Variants in TMEM132D observed in about 807,000 individuals in gnomAD.
TMEM132D encodes transmembrane protein 132D.
A neutral mutation model predicts 62.3 loss-of-function variants in TMEM132D; 21 were observed. That is an observed-to-expected ratio of 0.34 (90% CI 0.24 to 0.49). The LOEUF (loss-of-function observed/expected upper bound fraction) is 0.49, where lower values mean the gene tolerates loss of function less well. Among genes scored for constraint, TMEM132D ranks in the 20% least tolerant of loss-of-function variants. The pLI is 0.99. For synonymous variants in TMEM132D, 621 were observed against 575.6 expected, an observed-to-expected ratio of 1.08 and a Z score of -1.13; for missense variants, 1,346 against 1,402.8, an observed-to-expected ratio of 0.96 and a Z score of 0.65.
chr12:129,449,328 T>C (rs764344206), intron 3 of TMEM132D, among the ~76,000 whole-genome samples: 57 of 152,246 alleles, frequency 3.7e-4, no homozygotes, highest in Non-Finnish European at 6.5e-4. Context: ...GAGCCATGCT[T>C]AGTCCTGCCT....
chr12:129,328,900 C>T (rs1449847624), intron 4 of TMEM132D, among the ~76,000 whole-genome samples: 2 of 151,604 alleles, frequency 1.3e-5, no homozygotes, highest in Non-Finnish European at 2.9e-5. Flanking sequence ...GTGGCCTCAT[C>T]CATCTGTGAA....
At position 129,271,960 on chromosome 12, in the gene TMEM132D, G is replaced by A. The variant is rs553386677; in HGVS notation, c.1300-62297C>T. On this transcript the variant is annotated intron_variant, in intron 4 of 8. Coordinates refer to ENST00000422113, the MANE Select transcript of TMEM132D (RefSeq NM_133448.3). ...ATTGCTGGGTTAAACAGTATTTCTG[G>A]TTCTAGATCTTTGAGGAATTGCCAC... is the stretch of plus-strand genomic sequence containing the variant. Among the ~76,000 whole-genome samples the A allele has an allele frequency of 2.1e-3, 312 of 151,860 alleles. 13 individuals are homozygous for A. The highest frequency in any genetic ancestry group is 7.2e-3 in the African/African-American group (297 of 41,208).
intron 4 of TMEM132D, 113 bp from the exon 5 acceptor site, chr12:129,209,776 G>T: frequency 6.9e-7 from 1 of 1,448,962 alleles, no homozygotes; most frequent in Non-Finnish European, 9.4e-7. Flanking sequence ...GGCCTCTTCT[G>T]CAGGCTCAGA....
intron 2 of TMEM132D, among the ~76,000 whole-genome samples, chr12:129,543,042 C>T (rs7970992): frequency 0.88 from 132,722 of 151,254 alleles, 58,333 homozygotes; most frequent in East Asian, 0.99. Context: ...GACGCATTCC[C>T]CAGAGTGTAC....
At chr12:129,309,067 A>G (rs1881910056) in intron 4 of TMEM132D, among the ~76,000 whole-genome samples, 2 of 152,234 alleles carry the variant, frequency 1.3e-5, no homozygotes, top group Admixed American at 6.5e-5. Context: ...ACTCATGTAA[A>G]GAGAACTCTA....
chr12:129,093,863 C>G (rs1371226865), intron 5 of TMEM132D, among the ~76,000 whole-genome samples: 1 of 72,018 alleles, frequency 1.4e-5, no homozygotes, highest in Non-Finnish European at 2.4e-5. Flanking sequence ...AGAACAGAGC[C>G]CTCAGAAATG....
At chr12:129,643,694 C>T (rs992095845) in intron 2 of TMEM132D, among the ~76,000 whole-genome samples, 6 of 152,150 alleles carry the variant, frequency 3.9e-5, no homozygotes, top group African/African-American at 9.7e-5. Flanking sequence ...GAGATAAATG[C>T]ATATTCAATT....
intron 1 of TMEM132D, among the ~76,000 whole-genome samples, chr12:129,721,722 T>G (rs1868838205): frequency 6.6e-6 from 1 of 152,164 alleles, no homozygotes. Flanking sequence ...ATGTGGATCC[T>G]GCATGTACGG....
At chr12:129,815,061 G>A (rs551239386) in intron 1 of TMEM132D, among the ~76,000 whole-genome samples, 115 of 152,262 alleles carry the variant, frequency 7.6e-4, no homozygotes, top group Non-Finnish European at 1.4e-3. Context: ...TGAGATTGGA[G>A]CCTTTTCCTG....
chr12:129,705,333 T>C (rs957273964), intron 1 of TMEM132D, among the ~76,000 whole-genome samples: 6 of 152,186 alleles, frequency 3.9e-5, no homozygotes, highest in Non-Finnish European at 7.4e-5. Context: ...CACCACCTTT[T>C]AGGTATTTCT....
intron 1 of TMEM132D, among the ~76,000 whole-genome samples, chr12:129,814,163 G>A (rs11060567): frequency 0.099 from 15,064 of 152,038 alleles, 785 homozygotes; most frequent in Admixed American, 0.13. Flanking sequence ...TGGATGTCAC[G>A]GAGCTAGAGA....
chr12:129,209,926 A>G (rs1467601023), intron 4 of TMEM132D: 1 of 470,260 alleles, frequency 2.1e-6, no homozygotes, highest in Non-Finnish European at 3.8e-6. Context: ...TATTACTAAT[A>G]TTGTGTTTGG....
intron 5 of TMEM132D, among the ~76,000 whole-genome samples, chr12:129,115,344 G>C (rs1489044326): frequency 6.6e-6 from 1 of 152,168 alleles, no homozygotes; most frequent in East Asian, 1.9e-4. Flanking sequence ...TTAGTTCCCT[G>C]AACTTGGAAG....
chr12:129,499,522 C>T (rs888499174), intron 3 of TMEM132D, among the ~76,000 whole-genome samples: 2 of 152,024 alleles, frequency 1.3e-5, no homozygotes, highest in African/African-American at 2.4e-5. Context: ...CAGGAGGACA[C>T]AGAATTTTGA....
At chr12:129,173,271 T>C (rs1295892974) in intron 5 of TMEM132D, among the ~76,000 whole-genome samples, 1 of 152,138 alleles carries the variant, frequency 6.6e-6, no homozygotes, top group Non-Finnish European at 1.5e-5. Flanking sequence ...CTATATAAGA[T>C]TAATAAGCCT....
At chr12:129,268,063 C>T (rs1012179508) in intron 4 of TMEM132D, among the ~76,000 whole-genome samples, 6 of 152,154 alleles carry the variant, frequency 3.9e-5, no homozygotes, top group Non-Finnish European at 4.4e-5. Flanking sequence ...ACATGTTAGA[C>T]CTAAAACCAT....
intron 3 of TMEM132D, among the ~76,000 whole-genome samples, chr12:129,410,745 A>AT (rs1335114522): frequency 2.0e-5 from 3 of 152,162 alleles, no homozygotes; most frequent in African/African-American, 4.8e-5. Flanking sequence ...GAATTTATAT[A>AT]TTTTTTTAAC....
At chr12:129,086,778 A>G (rs990982601) in intron 5 of TMEM132D, among the ~76,000 whole-genome samples, 1 of 150,544 alleles carries the variant, frequency 6.6e-6, no homozygotes, top group Non-Finnish European at 1.5e-5. Context: ...ATATATATTT[A>G]TGTATATTGT....
intron 1 of TMEM132D, among the ~76,000 whole-genome samples, chr12:129,764,172 T>C (rs1215902649): frequency 6.6e-6 from 1 of 152,202 alleles, no homozygotes; most frequent in Non-Finnish European, 1.5e-5. Flanking sequence ...CATTGCTGCT[T>C]TTAGAAACAC....
Sources: gnomAD v4.1 joint callset for allele counts (sites outside exome capture counted in the v4.1 genomes callset) on GRCh38, gnomAD v4.1.1 for gene constraint, MANE v1.5 for transcripts, NCBI Gene and HGNC (gene_info 2026-07-23, HGNC 2026-07-21) for gene names.